Variants in RTKN observed in about 807,000 individuals in gnomAD.
The protein encoded by RTKN is rhotekin.
A neutral mutation model predicts 63.5 loss-of-function variants in RTKN; 49 were observed. The observed-to-expected ratio is 0.77, with a 90% CI of 0.61 to 0.98. The LOEUF is 0.98. Ranked by LOEUF, RTKN falls within the 50% of genes least tolerant of loss-of-function variation. The pLI is 0.00. For missense variants in RTKN, 685 were observed against 740.8 expected, an observed-to-expected ratio of 0.92 and a Z score of 0.87; for synonymous variants, 295 against 290.4, an observed-to-expected ratio of 1.02 and a Z score of -0.16.
rs529675828 is a variant in RTKN, at chr2:74,432,704, A to G, written c.112-38T>C. 30 of 1,598,094 alleles carry G rather than the reference A, an allele frequency of 1.9e-5. No homozygotes were observed. The South Asian group carries it at 3.2e-4, about 17-fold the overall frequency. On this transcript the variant is annotated intron_variant, in intron 1 of 11. Coordinates refer to ENST00000272430, the MANE Select transcript of RTKN (RefSeq NM_001015055.2). ...GGGGGAAGGGTGAGAAGGAAATGTC[A>G]GTCAGTGGACAGGCTAAAGCACTCC...
chr2:74,430,118 G>A, intron 5 of RTKN, 81 bp from the exon 6 acceptor site: 1 of 1,547,916 alleles, frequency 6.5e-7, no homozygotes, highest in Admixed American at 1.7e-5. Flanking sequence ...GGCAAGTGCA[G>A]GACAGCTCCA....
chr2:74,440,141 A>G (rs1469592538), intron 1 of RTKN: 3 of 446,640 alleles, frequency 6.7e-6, no homozygotes, highest in Non-Finnish European at 9.1e-6. Flanking sequence ...TTCTAGAGTC[A>G]TGGGGTTTGC....
intron 1 of RTKN, among the ~76,000 whole-genome samples, chr2:74,441,287 C>A (rs1671350877): frequency 6.6e-6 from 1 of 152,198 alleles, no homozygotes; most frequent in South Asian, 2.1e-4. Flanking sequence ...GCCCAGATGG[C>A]TGCGACAGGT....
intron 6 of RTKN, 138 bp downstream of exon 6, chr2:74,429,690 G>A (rs991154641): frequency 4.2e-5 from 34 of 808,062 alleles, no homozygotes; most frequent in African/African-American, 3.8e-4. Flanking sequence ...TCCCAGCTAC[G>A]TGGCCACTGC....
intron 11 of RTKN, 25 bp from the exon 12 acceptor site, chr2:74,426,599 G>A: frequency 2.0e-6 from 3 of 1,519,562 alleles, no homozygotes; most frequent in Non-Finnish European, 2.6e-6. Flanking sequence ...AGGGGTTGGG[G>A]GAGGGTTGGG....
chr2:74,427,765 A>C (rs1573236384), intron 9 of RTKN, 173 bp from the exon 10 acceptor site: 1 of 640,088 alleles, frequency 1.6e-6, no homozygotes. Flanking sequence ...TGGGGATGAG[A>C]CAGCCAGTCC....
At position 74,439,538 on chromosome 2, in the gene RTKN, G is replaced by A. The variant is rs753330416; in HGVS notation, c.111+2168C>T. The A allele has an allele frequency of 2.0e-5, 32 of 1,613,958 alleles. No individual in the cohort carries two copies. The South Asian group carries it at 3.1e-4, about 16-fold the overall frequency. On this transcript the variant is annotated intron_variant, in intron 1 of 11. Coordinates refer to ENST00000272430, the MANE Select transcript of RTKN (RefSeq NM_001015055.2). ...AGTGAAGGAGGTGTGTACTCCAAGG[G>A]TCGGGGGATTACCTCCAGGCTGAGT...
rs1404710182 is a variant in RTKN, at chr2:74,432,658, C to G, written c.120G>C (p.Glu40Asp). The change falls in exon 2 of 12, where the codon GAG becomes GAC. Residue 40 changes from glutamate to aspartate, a missense_variant. By Grantham distance (45) the Glu-to-Asp change is conservative (BLOSUM62 2). Coordinates refer to ENST00000272430, the MANE Select transcript of RTKN (RefSeq NM_001015055.2). ...SLFSDLPEDTELQRKLDHEIR... is the reference protein window; with the variant it reads ...SLFSDLPEDTDLQRKLDHEIR... Reference sequence around the variant, plus strand: ...TCTCATGGTCTAGCTTCCTCTGCAACTCCGTGTCCTAGCCAGGGTTGGGGG... The same window carrying G: ...TCTCATGGTCTAGCTTCCTCTGCAAGTCCGTGTCCTAGCCAGGGTTGGGGG... 1 of 1,614,196 alleles carries G rather than the reference C, an allele frequency of 6.2e-7. No individual in the cohort carries two copies. The highest frequency in any genetic ancestry group is 1.1e-5 in the South Asian group (1 of 91,086).
chr2:74,434,217 C>G (rs1478159123), intron 1 of RTKN, among the ~76,000 whole-genome samples: 1 of 151,710 alleles, frequency 6.6e-6, no homozygotes, highest in Non-Finnish European at 1.5e-5. Flanking sequence ...ATTCTTGTGC[C>G]TCAGCCTCCT....
rs1254839616 is a variant in RTKN, at chr2:74,430,520, T to A, written c.374-2A>T. ...TCCACATGAGTGGAATCCGGAGGTC[T>A]AAGGGGCAGAGGGGTAAGAATAGAT... On this transcript the variant is annotated splice_acceptor_variant, in intron 3 of 11. Coordinates refer to ENST00000272430, the MANE Select transcript of RTKN (RefSeq NM_001015055.2). LOFTEE classifies it high-confidence loss of function. The A allele has an allele frequency of 2.5e-6, 4 of 1,614,136 alleles. No homozygotes were observed. Among genetic ancestry groups the A allele is most frequent in the Non-Finnish European group, 3.4e-6 (4 of 1,179,992 alleles).
chr2:74,435,243 C>T (rs1460362002), intron 1 of RTKN, among the ~76,000 whole-genome samples: 2 of 152,132 alleles, frequency 1.3e-5, no homozygotes, highest in East Asian at 1.9e-4. Context: ...CCCTGGAGGT[C>T]CTGCTTCTTA....
At chr2:74,426,667 A>G (rs1446298672) in intron 11 of RTKN, 93 bp from the exon 12 acceptor site, 2 of 1,461,110 alleles carry the variant, frequency 1.4e-6, no homozygotes, top group African/African-American at 2.9e-5. Context: ...CTGTAATAGG[A>G]GGAAAGCAAA....
In RTKN at chr2:74,440,294, G is replaced by C. The variant is rs558797981; in HGVS notation, c.111+1412C>G. On this transcript the variant is annotated intron_variant, in intron 1 of 11. Transcript: ENST00000272430. The stretch of plus-strand genomic sequence containing the variant: ...GTTGGCAAAGCAGCCCAGCCCTAGG[G>C]CCACCCCTTCCAACTCAGGGCCCCC... 163 of 929,906 alleles carry C rather than the reference G, an allele frequency of 1.8e-4. 2 individuals are homozygous for C. The African/African-American group carries it at 2.3e-3, about 13-fold the overall frequency. The allele number at this position is 929,906 out of a possible 1,614,324, so 57.6% of individuals were successfully genotyped here.
chr2:74,434,280 CTT>C (rs902132687), intron 1 of RTKN, among the ~76,000 whole-genome samples: 37 of 128,006 alleles, frequency 2.9e-4, no homozygotes, highest in Admixed American at 3.2e-4. Flanking sequence ...GTTTTGTATT[CTT>C]TTTTTTTTTT....
intron 2 of RTKN, among the ~76,000 whole-genome samples, chr2:74,431,430 A>G (rs1159785872): frequency 6.6e-6 from 1 of 152,166 alleles, no homozygotes; most frequent in Non-Finnish European, 1.5e-5. Flanking sequence ...GTACTTACTC[A>G]TAATGCCACT....
intron 1 of RTKN, among the ~76,000 whole-genome samples, chr2:74,437,101 A>T (rs1385633885): frequency 6.6e-6 from 1 of 152,062 alleles, no homozygotes; most frequent in African/African-American, 2.4e-5. Flanking sequence ...TTCCCTTCAG[A>T]ATCTCCACCA....
At chr2:74,431,056 C>A in intron 2 of RTKN, 1 of 211,526 alleles carries the variant, frequency 4.7e-6, no homozygotes, top group East Asian at 1.0e-4. Flanking sequence ...AGAGGGGTCT[C>A]CAGTCTTTAT....
intron 1 of RTKN, chr2:74,440,341 G>T: frequency 1.0e-6 from 1 of 985,780 alleles, no homozygotes; most frequent in South Asian, 4.7e-5. Flanking sequence ...TCCACCCTGG[G>T]CTCACAATTA....
rs1252784104 is a variant in RTKN, at chr2:74,432,584, C to T, written c.194G>A (p.Arg65Gln). The T allele has an allele frequency of 6.2e-6, 10 of 1,614,008 alleles. No homozygotes were observed. The highest frequency in any genetic ancestry group is 1.3e-5 in the African/African-American group (1 of 74,926). ...ACKLLAACSQ[R>Q]EQALEATKSL... ...CTTGGTGGCCTCCAGAGCCTGCTCT[C>T]GCTGGGAGCAGGCTGCCAGCAGCTT... The change falls in exon 2 of 12, where the codon CGA (arginine) becomes CAA (glutamine). Residue 65 changes from arginine (R) to glutamine (Q), a missense_variant. Arg to Gln is a conservative substitution (Grantham distance 43). Transcript: ENST00000272430.
Sources: gnomAD v4.1 joint callset for allele counts (sites outside exome capture counted in the v4.1 genomes callset) on GRCh38, gnomAD v4.1.1 for gene constraint, MANE v1.5 for transcripts, NCBI Gene and HGNC (gene_info 2026-07-23, HGNC 2026-07-21) for gene names.